PHLDB2: variants seen among roughly 807,000 people sequenced by gnomAD.
PHLDB2 encodes the protein pleckstrin homology like domain family B member 2.
PHLDB2 carries 71 observed loss-of-function variants against 123.6 expected under a neutral mutation model. The ratio of observed to expected loss-of-function variants is 0.57; its 90% CI spans 0.47 to 0.70. The LOEUF (loss-of-function observed/expected upper bound fraction) is 0.70. Ranked by LOEUF, PHLDB2 falls within the 30% of genes least tolerant of loss-of-function variation. PHLDB2 has a pLI of 0.00. For missense variants in PHLDB2, 1,446 were observed against 1,519.5 expected (o/e 0.95, Z 0.80); for synonymous variants, 547 against 541.6 (o/e 1.01, Z -0.14).
In PHLDB2 at chr3:111,884,454, C is replaced by T; in HGVS notation, c.377C>T (p.Ala126Val). 1 of 1,614,164 alleles carries T rather than the reference C, an allele frequency of 6.2e-7. No individual in the cohort carries two copies. The highest frequency in any genetic ancestry group is 8.5e-7 in the Non-Finnish European group (1 of 1,180,020). Residue 126 changes from alanine (A) to valine (V), a missense_variant, in exon 2 of 18, where the codon GCA becomes GTA. By Grantham distance (64) the Ala-to-Val change is moderately conservative. Coordinates refer to ENST00000431670, the MANE Select transcript of PHLDB2 (RefSeq NM_001134438.2). ...CTCAGTGGATATCCACTTGGAAGAGCAGACTTTGATCATTATACTGGCCGG... is the reference window on the plus strand; with the variant it reads ...CTCAGTGGATATCCACTTGGAAGAGTAGACTTTGATCATTATACTGGCCGG... ...SSLSGYPLGR[A>V]DFDHYTGRDS...
chr3:111,971,806 T>C (rs2072207173), intron 16 of PHLDB2, among the ~76,000 whole-genome samples: 1 of 152,204 alleles, frequency 6.6e-6, no homozygotes, highest in Admixed American at 6.5e-5. Flanking sequence ...ATGTGAACAC[T>C]GAGTGGCAAA....
chr3:111,822,756 CT>C (rs1376812345), intron 1 of PHLDB2, among the ~76,000 whole-genome samples: 3 of 152,172 alleles, frequency 2.0e-5, no homozygotes, highest in Non-Finnish European at 4.4e-5. Flanking sequence ...TCCAAATTCC[CT>C]GCTTGGGACC....
chr3:111,963,817 CTCT>C (rs1364721310), intron 13 of PHLDB2, among the ~76,000 whole-genome samples: 1 of 152,180 alleles, frequency 6.6e-6, no homozygotes, highest in African/African-American at 2.4e-5. Context: ...TAGTTTTTTA[CTCT>C]TCTTTCTACC....
In PHLDB2 at chr3:111,802,739, C is replaced by T. The variant is rs534233552; in HGVS notation, c.-48-43082C>T. On this transcript the variant is annotated intron_variant, in intron 1 of 17. Coordinates refer to the PHLDB2 transcript ENST00000393923. ...CAGAGTGAGGCAAGCATCATGCATTCTCTCTCTTTTAAAGAAAAAGCACTA... is the reference window on the plus strand; with the variant it reads ...CAGAGTGAGGCAAGCATCATGCATTTTCTCTCTTTTAAAGAAAAAGCACTA... 1.8e-4 allele frequency among the ~76,000 whole-genome samples: 28 copies of T among 152,316 alleles called. No homozygotes were observed. In the South Asian group the frequency reaches 5.6e-3, roughly 30 times the overall value.
At chr3:111,757,815 G>A (rs1347582424) in intron 1 of PHLDB2, among the ~76,000 whole-genome samples, 2 of 152,202 alleles carry the variant, frequency 1.3e-5, no homozygotes, top group Non-Finnish European at 2.9e-5. Context: ...CTGACAACAG[G>A]TCTAACAACA....
intron 1 of PHLDB2, among the ~76,000 whole-genome samples, chr3:111,818,164 T>TC (rs1207626880): frequency 1.7e-5 from 1 of 59,686 alleles, no homozygotes; most frequent in Non-Finnish European, 4.1e-5. Context: ...TTTAAAAAAC[T>TC]GGTGTGTGTG....
intron 1 of PHLDB2, among the ~76,000 whole-genome samples, chr3:111,759,120 C>CT (rs34027939): frequency 0.28 from 41,647 of 147,612 alleles, 6,196 homozygotes; most frequent in East Asian, 0.53. Context: ...AGTGATATAT[C>CT]TTTTTTTTTT....
chr3:111,779,509 T>C (rs979323188), intron 1 of PHLDB2, among the ~76,000 whole-genome samples: 1 of 152,102 alleles, frequency 6.6e-6, no homozygotes, highest in Non-Finnish European at 1.5e-5. Context: ...TAGTTTTCTG[T>C]TTCTGCATTC....
At chr3:111,802,830 G>A (rs1231588113) in intron 1 of PHLDB2, among the ~76,000 whole-genome samples, 4 of 152,154 alleles carry the variant, frequency 2.6e-5, no homozygotes, top group Non-Finnish European at 4.4e-5. Context: ...AATCAATAAG[G>A]GTGGGTGGTG....
chr3:111,962,049 T>C, intron 12 of PHLDB2, 59 bp from the exon 13 acceptor site: 3 of 1,497,024 alleles, frequency 2.0e-6, no homozygotes, highest in East Asian at 4.6e-5. Flanking sequence ...TCTGTAGATG[T>C]TTAAGATTCA....
At chr3:111,834,149 T>TTA (rs1491344317) in intron 1 of PHLDB2, among the ~76,000 whole-genome samples, 2,051 of 69,624 alleles carry the variant, frequency 0.029, 38 homozygotes, top group Non-Finnish European at 0.041. Context: ...TGTAATAGAA[T>TTA]TATATATATT....
chr3:111,870,816 T>C (rs1359924539), intron 1 of PHLDB2, among the ~76,000 whole-genome samples: 2 of 152,196 alleles, frequency 1.3e-5, no homozygotes, highest in African/African-American at 2.4e-5. Flanking sequence ...CATCATCTTA[T>C]TGTAAACATC....
At chr3:111,873,702 G>A (rs981487721) in intron 1 of PHLDB2, among the ~76,000 whole-genome samples, 1 of 152,098 alleles carries the variant, frequency 6.6e-6, no homozygotes. Flanking sequence ...ACTTAGTTCT[G>A]TTTCCCATTT....
intron 6 of PHLDB2, among the ~76,000 whole-genome samples, chr3:111,934,796 G>A (rs1459181032): frequency 1.3e-5 from 2 of 152,046 alleles, no homozygotes; most frequent in African/African-American, 4.8e-5. Context: ...CATCTCATGT[G>A]GAAAAAGATA....
At chr3:111,922,380 G>A (rs982174969) in intron 5 of PHLDB2, among the ~76,000 whole-genome samples, 4 of 152,180 alleles carry the variant, frequency 2.6e-5, no homozygotes, top group Non-Finnish European at 5.9e-5. Context: ...TTCTCAGGTG[G>A]AATTCTAGGA....
chr3:111,748,920 A>G (rs2059725716), intron 1 of PHLDB2, among the ~76,000 whole-genome samples: 1 of 152,014 alleles, frequency 6.6e-6, no homozygotes, highest in South Asian at 2.1e-4. Context: ...ACTTATTTCC[A>G]AGTCATACTC....
At chr3:111,856,676 A>C (rs2064524471), upstream of PHLDB2, among the ~76,000 whole-genome samples, 1 of 152,162 alleles carries the variant, frequency 6.6e-6, no homozygotes, top group Non-Finnish European at 1.5e-5. Context: ...TATTTCTGGC[A>C]TTGCTCGAGG....
At chr3:111,916,815 C>T (rs1360414824) in intron 3 of PHLDB2, 2 of 152,144 alleles carry the variant, frequency 1.3e-5, no homozygotes, top group Non-Finnish European at 2.9e-5. Flanking sequence ...GTCTTTTCCC[C>T]TATCATCTCT....
intron 17 of PHLDB2, among the ~76,000 whole-genome samples, chr3:111,974,032 A>C (rs767605233): frequency 6.6e-6 from 1 of 152,006 alleles, no homozygotes; most frequent in Non-Finnish European, 1.5e-5. Flanking sequence ...TCTGGACATA[A>C]TGGTTTGGGA....
Sources: allele counts gnomAD v4.1 joint callset (sites outside exome capture counted in the v4.1 genomes callset), GRCh38; gene constraint gnomAD v4.1.1; transcripts MANE v1.5; gene names NCBI Gene and HGNC (gene_info 2026-07-23, HGNC 2026-07-21).